Variants in GRID2 observed in about 807,000 individuals in gnomAD.
GRID2 encodes glutamate receptor ionotropic, delta-2.
In GRID2, 33 loss-of-function variants were observed where a neutral mutation model predicts 114.8. The observed-to-expected ratio is 0.29, with a 90% confidence interval of 0.22 to 0.38. The LOEUF is 0.38. Among genes scored for constraint, GRID2 ranks in the 10% least tolerant of loss-of-function variants. GRID2 has a pLI of 1.00. For missense variants in GRID2, 1,184 were observed against 1,257.7 expected (o/e 0.94, Z 0.89); for synonymous variants, 505 against 449.9 (o/e 1.12, Z -1.55).
At chr4:92,494,749 T>C (rs568166438) in intron 1 of GRID2, among the ~76,000 whole-genome samples, 1 of 152,200 alleles carries the variant, frequency 6.6e-6, no homozygotes, top group East Asian at 1.9e-4. Context: ...TTTTTCATTG[T>C]ATCAGTAATA....
chr4:93,578,505 A>C (rs552501088), intron 13 of GRID2, among the ~76,000 whole-genome samples: 10 of 152,212 alleles, frequency 6.6e-5, no homozygotes, highest in Admixed American at 5.9e-4. Flanking sequence ...TGAGAAAAGC[A>C]ATCACATCAC....
intron 2 of GRID2, among the ~76,000 whole-genome samples, chr4:92,920,371 T>C (rs918797783): frequency 6.6e-6 from 1 of 152,222 alleles, no homozygotes; most frequent in Non-Finnish European, 1.5e-5. Flanking sequence ...TTGTTATGTG[T>C]GAATTTGATC....
At chr4:92,462,200 A>C (rs1444391963) in intron 1 of GRID2, among the ~76,000 whole-genome samples, 1 of 152,080 alleles carries the variant, frequency 6.6e-6, no homozygotes, top group Non-Finnish European at 1.5e-5. Context: ...ACAACTTACT[A>C]TTCTCACATC....
intron 2 of GRID2, among the ~76,000 whole-genome samples, chr4:92,977,838 A>G (rs1218258461): frequency 2.6e-5 from 4 of 152,314 alleles, no homozygotes; most frequent in Non-Finnish European, 1.5e-5. Flanking sequence ...TTAGATAGCT[A>G]CAATGTCAGT....
rs565196043 is a variant in GRID2, at chr4:93,764,612, G to A, written c.2361-4598G>A. 3.3e-5 allele frequency among the ~76,000 whole-genome samples: 5 copies of A among 152,228 alleles called. No individual in the cohort carries two copies. In the East Asian group the frequency reaches 9.6e-4, roughly 29 times the overall value. ...ACAATGACCCTCAAAAGTAAGTGTT[G>A]TTATGCATCACCATGGTGTAAAAAT... is the stretch of plus-strand genomic sequence containing the variant. On this transcript the variant is annotated intron_variant, in intron 14 of 15. Transcript: ENST00000282020.
chr4:92,646,135 G>C (rs915742103), intron 2 of GRID2, among the ~76,000 whole-genome samples: 1 of 22,134 alleles, frequency 4.5e-5, no homozygotes, highest in Non-Finnish European at 1.3e-4. Context: ...TGGAACGTTT[G>C]GGTGGGTGGG....
At chr4:92,920,267 A>G (rs1749197805) in intron 2 of GRID2, among the ~76,000 whole-genome samples, 1 of 152,172 alleles carries the variant, frequency 6.6e-6, no homozygotes, top group African/African-American at 2.4e-5. Context: ...GGTTTCCTGA[A>G]TACAGCACAC....
chr4:93,505,080 A>G (rs1728501183), intron 12 of GRID2, among the ~76,000 whole-genome samples: 1 of 152,054 alleles, frequency 6.6e-6, no homozygotes, highest in Non-Finnish European at 1.5e-5. Context: ...TCACTGAAGT[A>G]TCTTATTAAA....
chr4:93,524,532 T>C (rs562602785), intron 13 of GRID2, among the ~76,000 whole-genome samples: 128 of 152,094 alleles, frequency 8.4e-4, no homozygotes, highest in Non-Finnish European at 1.7e-3. Context: ...TTAAGACTTA[T>C]TTTTGTTTTT....
chr4:93,395,392 C>T (rs879799978), intron 8 of GRID2, among the ~76,000 whole-genome samples: 15 of 151,964 alleles, frequency 9.9e-5, no homozygotes, highest in Admixed American at 9.9e-4. Context: ...CCTCCTAAAG[C>T]ACATTGGGTA....
chr4:92,604,355 G>A (rs1729357428), intron 2 of GRID2, among the ~76,000 whole-genome samples: 1 of 152,112 alleles, frequency 6.6e-6, no homozygotes, highest in African/African-American at 2.4e-5. Context: ...ATACTATGCA[G>A]CCATAAAAAG....
chr4:93,204,844 C>A (rs781279481), intron 4 of GRID2, among the ~76,000 whole-genome samples: 1 of 152,050 alleles, frequency 6.6e-6, no homozygotes, highest in African/African-American at 2.4e-5. Context: ...GATTACATAG[C>A]GAAGATTATT....
At chr4:93,585,011 A>G (rs1291692081) in intron 13 of GRID2, among the ~76,000 whole-genome samples, 1 of 152,126 alleles carries the variant, frequency 6.6e-6, no homozygotes, top group African/African-American at 2.4e-5. Flanking sequence ...CTTTCTCAAA[A>G]CACTTTCATA....
chr4:92,763,120 C>T (rs1286766022), intron 2 of GRID2, among the ~76,000 whole-genome samples: 3 of 152,138 alleles, frequency 2.0e-5, no homozygotes, highest in Admixed American at 6.5e-5. Flanking sequence ...TACAGGGAAA[C>T]ATCAGCTTTT....
intron 10 of GRID2, among the ~76,000 whole-genome samples, chr4:93,445,097 G>C (rs563451656): frequency 1.2e-4 from 18 of 152,096 alleles, no homozygotes; most frequent in Admixed American, 8.5e-4. Context: ...TGATGCCTCT[G>C]AGAAATGTTC....
intron 1 of GRID2, among the ~76,000 whole-genome samples, chr4:92,305,065 T>C (rs976865070): frequency 1.3e-5 from 2 of 152,130 alleles, no homozygotes; most frequent in African/African-American, 4.8e-5. Flanking sequence ...GGGAGTTTAA[T>C]TGACTCTTAT....
chr4:93,298,987 G>A (rs924083533), intron 8 of GRID2, among the ~76,000 whole-genome samples: 1 of 152,114 alleles, frequency 6.6e-6, no homozygotes, highest in Non-Finnish European at 1.5e-5. Flanking sequence ...AATGAAATAG[G>A]CTAAAATAAA....
chr4:92,490,691 T>C (rs1723107071), intron 1 of GRID2, among the ~76,000 whole-genome samples: 1 of 152,168 alleles, frequency 6.6e-6, no homozygotes, highest in Admixed American at 6.5e-5. Flanking sequence ...TGAAATCCCT[T>C]ATTGAAACAG....
At chr4:92,794,874 T>TTATATATATATATATATATATATA (rs34559735) in intron 2 of GRID2, among the ~76,000 whole-genome samples, 17 of 106,030 alleles carry the variant, frequency 1.6e-4, no homozygotes, top group African/African-American at 3.7e-4. Flanking sequence ...AATAATTGTT[T>TTATATATATATATATATATATATA]TATATATATA....
Sources: allele counts gnomAD v4.1 joint callset (sites outside exome capture counted in the v4.1 genomes callset), GRCh38; gene constraint gnomAD v4.1.1; transcripts MANE v1.5; gene names NCBI Gene and HGNC (gene_info 2026-07-23, HGNC 2026-07-21).